The following SDCCAG8 variants were observed in gnomAD, a reference collection of about 807,000 sequenced individuals.
The protein encoded by SDCCAG8 is serologically defined colon cancer antigen 8.
In SDCCAG8, 74 loss-of-function variants were observed where a neutral mutation model predicts 101.8. The observed-to-expected ratio is 0.73, with a 90% confidence interval of 0.60 to 0.88. The LOEUF is 0.88. Ranked by LOEUF, SDCCAG8 falls within the 40% of genes least tolerant of loss-of-function variation. The pLI is 0.00. For missense variants in SDCCAG8, 787 were observed against 822.6 expected, an observed-to-expected ratio of 0.96 and a Z score of 0.53; for synonymous variants, 281 against 292.9, an observed-to-expected ratio of 0.96 and a Z score of 0.41.
Position 243,287,405 on chromosome 1 carries a change from G to A in SDCCAG8, c.546+1008G>A, listed in dbSNP as rs570282545. ...TTCATTGGGATATCCTCTAATTTTC[G>A]TTTTTGAAGTTTTTTTTTTTTTTAA... On this transcript the variant is annotated intron_variant, in intron 5 of 17. Coordinates refer to ENST00000366541, the MANE Select transcript of SDCCAG8 (RefSeq NM_006642.5). 1.9e-4 allele frequency among the ~76,000 whole-genome samples: 28 copies of A among 149,968 alleles called. 1 individual carries two copies. In the South Asian group the frequency reaches 5.2e-3, roughly 28 times the overall value.
intron 12 of SDCCAG8, among the ~76,000 whole-genome samples, chr1:243,370,729 T>C (rs1390630471): frequency 6.6e-6 from 1 of 152,116 alleles, no homozygotes; most frequent in East Asian, 1.9e-4. Flanking sequence ...CTACGTTAGC[T>C]CTGAGGAAGT....
At chr1:243,408,085 TAG>T (rs2079909077) in intron 13 of SDCCAG8, among the ~76,000 whole-genome samples, 1 of 152,206 alleles carries the variant, frequency 6.6e-6, no homozygotes, top group South Asian at 2.1e-4. Context: ...CTTGCAAAAA[TAG>T]AGATTATCTT....
intron 13 of SDCCAG8, among the ~76,000 whole-genome samples, chr1:243,394,470 C>T (rs963188237): frequency 6.6e-6 from 1 of 152,150 alleles, no homozygotes; most frequent in African/African-American, 2.4e-5. Flanking sequence ...AATATTTCCA[C>T]ATCTGAAAGA....
At chr1:243,293,824 G>C (rs1021014020) in intron 6 of SDCCAG8, among the ~76,000 whole-genome samples, 1 of 152,102 alleles carries the variant, frequency 6.6e-6, no homozygotes, top group Non-Finnish European at 1.5e-5. Context: ...GGATCATATG[G>C]TAATTCTTCA....
At chr1:243,376,861 G>A (rs1322369646) in intron 12 of SDCCAG8, among the ~76,000 whole-genome samples, 1 of 152,062 alleles carries the variant, frequency 6.6e-6, no homozygotes, top group Admixed American at 6.6e-5. Flanking sequence ...CTGTCATATT[G>A]CATACCTGTT....
chr1:243,423,776 G>A (rs2081164651), intron 15 of SDCCAG8, among the ~76,000 whole-genome samples: 1 of 152,106 alleles, frequency 6.6e-6, no homozygotes, highest in African/African-American at 2.4e-5. Context: ...ATATTGCACA[G>A]GTGGGTGGAA....
intron 16 of SDCCAG8, among the ~76,000 whole-genome samples, chr1:243,469,889 G>A (rs937785452): frequency 6.9e-6 from 1 of 144,214 alleles, no homozygotes; most frequent in African/African-American, 2.7e-5. Context: ...TATTAAACTG[G>A]AATAATAATA....
chr1:243,301,208 G>T (rs74150975), intron 6 of SDCCAG8, among the ~76,000 whole-genome samples: 4,004 of 152,236 alleles, frequency 0.026, 191 homozygotes, highest in African/African-American at 0.091. Flanking sequence ...ACTACTATAA[G>T]AATTTCATAA....
chr1:243,360,084 T>A (rs2076609137), intron 12 of SDCCAG8, among the ~76,000 whole-genome samples: 1 of 152,000 alleles, frequency 6.6e-6, no homozygotes, highest in Admixed American at 6.6e-5. Context: ...TTCACATATA[T>A]CCACTGCTAC....
At chr1:243,406,820 C>T (rs1470777664) in intron 13 of SDCCAG8, among the ~76,000 whole-genome samples, 1 of 152,178 alleles carries the variant, frequency 6.6e-6, no homozygotes, top group East Asian at 1.9e-4. Flanking sequence ...CTGGTTATCT[C>T]TCCACCCTGT....
chr1:243,473,631 A>G (rs913124068), intron 16 of SDCCAG8, among the ~76,000 whole-genome samples: 1 of 152,132 alleles, frequency 6.6e-6, no homozygotes, highest in African/African-American at 2.4e-5. Flanking sequence ...TATACTGATT[A>G]TTCTGTGCAG....
intron 13 of SDCCAG8, among the ~76,000 whole-genome samples, chr1:243,384,180 A>G (rs894958040): frequency 2.0e-5 from 3 of 152,218 alleles, no homozygotes; most frequent in African/African-American, 4.8e-5. Flanking sequence ...GGAATGTGTT[A>G]TTCTTCAAGT....
At chr1:243,418,097 C>T (rs747086964) in intron 15 of SDCCAG8, 21 bp downstream of exon 15, 10 of 1,482,510 alleles carry the variant, frequency 6.7e-6, no homozygotes, top group Non-Finnish European at 9.4e-6. Flanking sequence ...TTATAGAATA[C>T]TTTCAAGAGC....
At position 243,499,951 on chromosome 1, in the gene SDCCAG8, G is replaced by A. The variant is rs1214427076; in HGVS notation, c.*166G>A. ...GCGGGCGCTGTCCCCGCACGCAGTC[G>A]GGCTGGAGCTGGAGTCTGACTCTAG... On this transcript the variant is annotated 3_prime_UTR_variant, in exon 18 of 18. Transcript: ENST00000366541. 8.8e-6 allele frequency: 6 copies of A among 683,488 alleles called. No individual in the cohort carries two copies. The highest frequency in any genetic ancestry group is 5.3e-5 in the African/African-American group (3 of 56,716). 42.3% of individuals were successfully genotyped at this position (683,488 alleles called of 1,614,324 possible).
At chr1:243,468,710 A>G (rs1660638072) in intron 16 of SDCCAG8, among the ~76,000 whole-genome samples, 1 of 152,240 alleles carries the variant, frequency 6.6e-6, no homozygotes, top group South Asian at 2.1e-4. Context: ...TAATAAAAAT[A>G]AAATGGCTGA....
At chr1:243,270,780 CTCTT>C (rs895250874) in intron 2 of SDCCAG8, among the ~76,000 whole-genome samples, 194 bp from the exon 3 acceptor site, 4 of 151,896 alleles carry the variant, frequency 2.6e-5, no homozygotes, top group Admixed American at 2.6e-4. Context: ...TAGTGTCTCT[CTCTT>C]CCTTGCTAGA....
Position 243,269,057 on chromosome 1 carries a change from T to C in SDCCAG8, c.68-1048T>C, listed in dbSNP as rs186016740. 1.2e-3 allele frequency: 181 copies of C among 153,066 alleles called. 2 individuals carry two copies. Among genetic ancestry groups the C allele is most frequent in the African/African-American group, 4.1e-3 (170 of 41,550 alleles). The allele number at this position is 153,066 out of a possible 1,614,324, so 9.5% of individuals were successfully genotyped here. On this transcript the variant is annotated intron_variant, in intron 1 of 17. Coordinates refer to ENST00000366541, the MANE Select transcript of SDCCAG8 (RefSeq NM_006642.5). Reference sequence around the variant, plus strand: ...TCATGGGGTCTCAGGGCCTCTCTCTTCCTCTCCACGTATGCTCTTCACAGG... The same window carrying C: ...TCATGGGGTCTCAGGGCCTCTCTCTCCCTCTCCACGTATGCTCTTCACAGG...
At chr1:243,278,252 G>A (rs1215491408) in intron 4 of SDCCAG8, among the ~76,000 whole-genome samples, 3 of 152,026 alleles carry the variant, frequency 2.0e-5, no homozygotes, top group East Asian at 1.9e-4. Flanking sequence ...GTGGAGTCTC[G>A]CTCTGTCACC....
intron 16 of SDCCAG8, among the ~76,000 whole-genome samples, chr1:243,456,385 T>C (rs1336875053): frequency 6.6e-6 from 1 of 152,122 alleles, no homozygotes; most frequent in Non-Finnish European, 1.5e-5. Flanking sequence ...GTGGGACACT[T>C]CTGGGGATTA....
Sources: gnomAD v4.1 joint callset for allele counts (sites outside exome capture counted in the v4.1 genomes callset) on GRCh38, gnomAD v4.1.1 for gene constraint, MANE v1.5 for transcripts, NCBI Gene and HGNC (gene_info 2026-07-23, HGNC 2026-07-21) for gene names.